Variants in EPHA5 observed in about 807,000 individuals in gnomAD.
The protein encoded by EPHA5 is EPH receptor A5.
In EPHA5, 60 loss-of-function variants were observed where a neutral mutation model predicts 105.0. The observed-to-expected ratio is 0.57, with a 90% CI of 0.46 to 0.71. The LOEUF is 0.71. Among genes scored for constraint, EPHA5 ranks in the 30% least tolerant of loss-of-function variants. EPHA5 has a pLI of 0.00. For missense variants in EPHA5, 1,218 were observed against 1,274.7 expected, an observed-to-expected ratio of 0.96 and a Z score of 0.68; for synonymous variants, 513 against 449.1, an observed-to-expected ratio of 1.14 and a Z score of -1.80.
intron 4 of EPHA5, 50 bp downstream of exon 4, chr4:65,495,338 C>T (rs775561384): frequency 1.3e-6 from 2 of 1,575,962 alleles, no homozygotes; most frequent in South Asian, 2.4e-5. Flanking sequence ...ATGCTGTTTC[C>T]TCAAAACTGG....
rs1719621587 is a variant in EPHA5 at position 65,321,314 on chromosome 4, A to T, written c.*2800T>A. 4.3e-6 allele frequency: 1 copy of T among 230,400 alleles called. No homozygotes were observed. The highest frequency in any genetic ancestry group is 8.6e-6 in the Non-Finnish European group (1 of 116,170). The allele number at this position is 230,400 out of a possible 1,614,324, so 14.3% of individuals were successfully genotyped here. ...TGACAAAATGAATCAACAGAATAAG[A>T]AATTACACAATCAAGATTTGTTAAA... is the stretch of plus-strand genomic sequence containing the variant. On this transcript the variant is annotated 3_prime_UTR_variant, in exon 17 of 17. Coordinates refer to ENST00000613740, the MANE Select transcript of EPHA5 (RefSeq NM_001281766.3).
chr4:65,576,054 G>GAAAGAAAGA (rs1740931426), intron 3 of EPHA5, among the ~76,000 whole-genome samples: 2 of 81,576 alleles, frequency 2.5e-5, no homozygotes, highest in African/African-American at 9.9e-5. Flanking sequence ...AAGAAAGAAA[G>GAAAGAAAGA]AAAGAAAAGA....
intron 1 of EPHA5, among the ~76,000 whole-genome samples, chr4:65,660,093 A>C (rs1249340173): frequency 1.3e-5 from 2 of 152,126 alleles, no homozygotes; most frequent in East Asian, 3.8e-4. Flanking sequence ...TTTAAAAGTG[A>C]AACTGATAAC....
chr4:65,583,866 A>T (rs1741878167), intron 3 of EPHA5, among the ~76,000 whole-genome samples: 1 of 151,716 alleles, frequency 6.6e-6, no homozygotes, highest in Admixed American at 6.6e-5. Flanking sequence ...ATAGGTATAT[A>T]TATTCTTATT....
At chr4:65,608,955 T>C (rs892544679) in intron 2 of EPHA5, among the ~76,000 whole-genome samples, 1 of 152,196 alleles carries the variant, frequency 6.6e-6, no homozygotes, top group African/African-American at 2.4e-5. Context: ...AACGAAAGAT[T>C]CATTACCTAA....
intron 16 of EPHA5, among the ~76,000 whole-genome samples, chr4:65,325,620 C>A (rs1316572709): frequency 2.0e-5 from 3 of 151,066 alleles, no homozygotes; most frequent in African/African-American, 7.3e-5. Flanking sequence ...GAAGACAATC[C>A]TCAGGGAAAC....
rs1216819061 is a variant in EPHA5 at position 65,323,446 on chromosome 4, C to T, written c.*668G>A. The T allele has an allele frequency of 8.7e-6, 2 of 229,968 alleles. No homozygotes were observed. The highest frequency in any genetic ancestry group is 1.8e-4 in the South Asian group (1 of 5,510). The allele number at this position is 229,968 out of a possible 1,614,324, so 14.2% of individuals were successfully genotyped here. A position where few individuals can be genotyped will look rare whatever the true frequency, so the allele number is the denominator to read the frequency against. On this transcript the variant is annotated 3_prime_UTR_variant, in exon 17 of 17. Coordinates refer to ENST00000613740, the MANE Select transcript of EPHA5 (RefSeq NM_001281766.3). Reference sequence around the variant, plus strand: ...TATATTGCAAATTATACAGTATATACACATTTATTACCTAATAATCTCTAG... The same window carrying T: ...TATATTGCAAATTATACAGTATATATACATTTATTACCTAATAATCTCTAG...
chr4:65,663,599 A>G (rs979983857), intron 1 of EPHA5, among the ~76,000 whole-genome samples: 3 of 152,056 alleles, frequency 2.0e-5, no homozygotes, highest in Admixed American at 2.0e-4. Context: ...ATATCATGTA[A>G]CAATTGTTTA....
chr4:65,375,774 A>AACAC (rs974882786), intron 8 of EPHA5, among the ~76,000 whole-genome samples: 7 of 123,686 alleles, frequency 5.7e-5, no homozygotes, highest in African/African-American at 1.7e-4. Context: ...ATAGCACAGA[A>AACAC]ACACACACAC....
intron 5 of EPHA5, among the ~76,000 whole-genome samples, chr4:65,442,725 T>A (rs1159789446): frequency 1.3e-5 from 2 of 152,346 alleles, no homozygotes; most frequent in East Asian, 3.9e-4. Flanking sequence ...TAAAATTACA[T>A]ATGCCCACCA....
intron 8 of EPHA5, among the ~76,000 whole-genome samples, chr4:65,380,872 T>C (rs573980324): frequency 2.6e-4 from 40 of 151,766 alleles, no homozygotes; most frequent in Non-Finnish European, 5.2e-4. Context: ...AATGTTCTCA[T>C]GCTTTGGCCC....
rs75915019 is a variant in EPHA5, at chr4:65,413,714, A to T, written c.1687+570T>A. Reference sequence around the variant, plus strand: ...TGTTTAGGGCAAGTAAGTAACATAAATATTTTGTTGAAATTAAAGGAAAAT... The same window carrying T: ...TGTTTAGGGCAAGTAAGTAACATAATTATTTTGTTGAAATTAAAGGAAAAT... On this transcript the variant is annotated intron_variant, in intron 7 of 16. Transcript: ENST00000613740. 4.3e-3 allele frequency among the ~76,000 whole-genome samples: 648 copies of T among 152,292 alleles called. 42 individuals are homozygous for T. The East Asian group carries it at 0.11, about 26-fold the overall frequency.
chr4:65,628,231 T>C (rs75962486), intron 2 of EPHA5, among the ~76,000 whole-genome samples: 2 of 152,110 alleles, frequency 1.3e-5, no homozygotes, highest in Non-Finnish European at 2.9e-5. Context: ...CATCTGAAAA[T>C]GTGGGGAGTC....
At chr4:65,419,950 T>A (rs1723781828) in intron 6 of EPHA5, among the ~76,000 whole-genome samples, 1 of 152,170 alleles carries the variant, frequency 6.6e-6, no homozygotes, top group Non-Finnish European at 1.5e-5. Context: ...TTTTTATTTT[T>A]TACCTGAAAT....
chr4:65,365,922 A>G lies in EPHA5; in HGVS notation c.1987+10T>C, dbSNP rs569319262. On this transcript the variant is annotated intron_variant, in intron 10 of 16. Transcript: ENST00000613740. ...AAAGTTAAAAATGAAAGTCAAACAC[A>G]TTGTCGTACCTGCTCCAATAACTCT... 2 of 1,597,316 alleles carry G rather than the reference A, an allele frequency of 1.3e-6. No individual in the cohort carries two copies. The highest frequency in any genetic ancestry group is 1.3e-5 in the African/African-American group (1 of 74,716).
At position 65,506,494 on chromosome 4, in the gene EPHA5, C is replaced by T. The variant is rs532825293; in HGVS notation, c.911-10951G>A. Among the ~76,000 whole-genome samples, 6 of 145,610 alleles carry T rather than the reference C, an allele frequency of 4.1e-5. No homozygotes were observed. In the South Asian group the frequency reaches 1.1e-3, roughly 27 times the overall value. On this transcript the variant is annotated intron_variant, in intron 3 of 16. Transcript: ENST00000613740. ...GTGTAAAAGTGTTCCTATTTCTCCG[C>T]ATCCTCTCCAGCACCTGTTGTTTCC...
At chr4:65,388,367 C>G (rs1383677858) in intron 8 of EPHA5, among the ~76,000 whole-genome samples, 7 of 151,416 alleles carry the variant, frequency 4.6e-5, no homozygotes, top group South Asian at 2.1e-4. Context: ...GGTATTTCTA[C>G]TGCTAGATCC....
At chr4:65,365,801 G>T in intron 10 of EPHA5, 131 bp downstream of exon 10, 1 of 880,446 alleles carries the variant, frequency 1.1e-6, no homozygotes. Context: ...AATGTGATCA[G>T]TTACATATCA....
chr4:65,587,871 C>G (rs1578505317), intron 3 of EPHA5, among the ~76,000 whole-genome samples: 2 of 152,130 alleles, frequency 1.3e-5, no homozygotes, highest in African/African-American at 4.8e-5. Context: ...TCTGGTGGCT[C>G]CTGTGTCTTT....
Sources: allele counts gnomAD v4.1 joint callset (sites outside exome capture counted in the v4.1 genomes callset), GRCh38; gene constraint gnomAD v4.1.1; transcripts MANE v1.5; gene names NCBI Gene and HGNC (gene_info 2026-07-23, HGNC 2026-07-21).